Variants in CELF4 observed in about 807,000 individuals in gnomAD.
CELF4 encodes CUG-BP- and ETR-3-like factor 4.
CELF4 carries 18 observed loss-of-function variants against 59.9 expected under a neutral mutation model. The ratio of observed to expected loss-of-function variants is 0.30; its 90% CI spans 0.21 to 0.45. The LOEUF (loss-of-function observed/expected upper bound fraction) is 0.45. Among genes scored for constraint, CELF4 ranks in the 20% least tolerant of loss-of-function variants. The probability of loss-of-function intolerance (pLI) is 1.00; values close to 1 mark genes in which losing one functional copy is unlikely to be tolerated. For missense variants in CELF4, 456 were observed against 689.0 expected (o/e 0.66, Z 3.79); for synonymous variants, 261 against 267.1 (o/e 0.98, Z 0.22).
intron 1 of CELF4, among the ~76,000 whole-genome samples, chr18:37,502,416 A>G (rs1707132509): frequency 6.6e-6 from 1 of 152,036 alleles, no homozygotes; most frequent in African/African-American, 2.4e-5. Context: ...AGTGGGAGGG[A>G]GAAAGGAGAG....
intron 1 of CELF4, among the ~76,000 whole-genome samples, chr18:37,506,309 T>C (rs958697911): frequency 9.9e-4 from 151 of 152,070 alleles, no homozygotes; most frequent in Non-Finnish European, 3.5e-4. Flanking sequence ...ATAGGCTTGT[T>C]TGGGGAAAAC....
At chr18:37,259,060 AG>A in intron 11 of CELF4, 120 bp downstream of exon 11, 1 of 1,497,892 alleles carries the variant, frequency 6.7e-7, no homozygotes, top group Non-Finnish European at 9.1e-7. Flanking sequence ...GGACACCGGT[AG>A]GTTGGTGCGA....
intron 1 of CELF4, among the ~76,000 whole-genome samples, chr18:37,555,155 G>A (rs1476712978): frequency 6.6e-6 from 1 of 152,206 alleles, no homozygotes; most frequent in East Asian, 1.9e-4. Context: ...TGTGGCTTCA[G>A]GCTCATGCCA....
At chr18:37,531,342 A>G (rs1225405360) in intron 1 of CELF4, among the ~76,000 whole-genome samples, 1 of 152,050 alleles carries the variant, frequency 6.6e-6, no homozygotes, top group African/African-American at 2.4e-5. Context: ...AGTTTAGCTG[A>G]GCTTGCCGCC....
intron 10 of CELF4, among the ~76,000 whole-genome samples, chr18:37,262,672 G>C (rs1298599255): frequency 6.6e-6 from 1 of 152,166 alleles, no homozygotes; most frequent in African/African-American, 2.4e-5. Flanking sequence ...GCACCAGTGG[G>C]AGAAAAGATA....
At chr18:37,344,782 T>A (rs1238603522) in intron 2 of CELF4, among the ~76,000 whole-genome samples, 1 of 152,228 alleles carries the variant, frequency 6.6e-6, no homozygotes, top group Admixed American at 6.5e-5. Flanking sequence ...CATTCCTGTT[T>A]GACAGATGAC....
In CELF4 at chr18:37,548,015, A is replaced by G. The variant is rs548899500; in HGVS notation, c.286+17341T>C. On this transcript the variant is annotated intron_variant, in intron 1 of 12. Transcript: ENST00000420428. ...TATATGAGTATCTATATGAATGCCT[A>G]TTTCTGAGTGTGTTCCTATGGGTGT... Among the ~76,000 whole-genome samples the G allele has an allele frequency of 2.6e-5, 4 of 151,730 alleles. No individual in the cohort carries two copies. The East Asian group carries it at 5.8e-4, about 22-fold the overall frequency.
intron 2 of CELF4, among the ~76,000 whole-genome samples, chr18:37,328,316 G>A (rs1603494878): frequency 6.6e-6 from 1 of 152,204 alleles, no homozygotes; most frequent in African/African-American, 2.4e-5. Flanking sequence ...CTGGAAGGTG[G>A]GGACTGATGC....
chr18:37,434,561 G>A (rs1312397065), intron 2 of CELF4, among the ~76,000 whole-genome samples: 1 of 152,206 alleles, frequency 6.6e-6, no homozygotes, highest in Non-Finnish European at 1.5e-5. Context: ...CACCAGCGAA[G>A]AGCAGCGAGG....
chr18:37,322,250 C>G (rs2097149258), intron 2 of CELF4, among the ~76,000 whole-genome samples: 1 of 152,204 alleles, frequency 6.6e-6, no homozygotes, highest in South Asian at 2.1e-4. Context: ...ACCCTTGGCT[C>G]AGCCCTGGTT....
chr18:37,497,066 TGAGAG>T (rs1389893829), intron 1 of CELF4, among the ~76,000 whole-genome samples: 2 of 151,652 alleles, frequency 1.3e-5, no homozygotes, highest in Non-Finnish European at 2.9e-5. Flanking sequence ...CCAAGGTGGG[TGAGAG>T]GAGTTGGTAA....
At chr18:37,537,170 G>A (rs1428481461) in intron 1 of CELF4, among the ~76,000 whole-genome samples, 1 of 152,174 alleles carries the variant, frequency 6.6e-6, no homozygotes, top group Non-Finnish European at 1.5e-5. Flanking sequence ...TTTCTGCTGT[G>A]CACTCAGTTA....
intron 2 of CELF4, among the ~76,000 whole-genome samples, chr18:37,359,661 G>A (rs539495037): frequency 2.2e-4 from 34 of 152,246 alleles, no homozygotes; most frequent in African/African-American, 7.5e-4. Flanking sequence ...CCATTCTCCT[G>A]TCTCAGCCTC....
At chr18:37,425,653 G>T (rs1012682031) in intron 2 of CELF4, among the ~76,000 whole-genome samples, 2 of 152,388 alleles carry the variant, frequency 1.3e-5, no homozygotes, top group South Asian at 2.1e-4. Context: ...CAGGGAGAAA[G>T]CTCATAGAGA....
At chr18:37,268,774 T>C (rs1197500309) in intron 8 of CELF4, among the ~76,000 whole-genome samples, 1 of 152,240 alleles carries the variant, frequency 6.6e-6, no homozygotes. Context: ...ACCTCATTAG[T>C]AACTGCCAAA....
chr18:37,505,960 G>C (rs950243801), intron 1 of CELF4, among the ~76,000 whole-genome samples: 1 of 138,052 alleles, frequency 7.2e-6, no homozygotes, highest in African/African-American at 2.7e-5. Context: ...GGGACAGGAG[G>C]GTGGTGGCCT....
At chr18:37,496,506 GAACAACAACAC>G (rs2099925364) in intron 1 of CELF4, among the ~76,000 whole-genome samples, 1 of 152,096 alleles carries the variant, frequency 6.6e-6, no homozygotes, top group Admixed American at 6.6e-5. Context: ...TTCACTTAAA[GAACAACAACAC>G]AACAACAACA....
intron 2 of CELF4, among the ~76,000 whole-genome samples, chr18:37,460,902 T>C (rs1022284235): frequency 5.9e-5 from 9 of 152,044 alleles, no homozygotes; most frequent in Non-Finnish European, 1.3e-4. Flanking sequence ...AGGTTTGCTA[T>C]GGGAAAGGAA....
intron 2 of CELF4, among the ~76,000 whole-genome samples, chr18:37,340,496 G>T (rs2097964752): frequency 6.6e-6 from 1 of 152,204 alleles, no homozygotes; most frequent in Non-Finnish European, 1.5e-5. Context: ...GCTTCAGTGG[G>T]GACATGGTCT....
Sources: gnomAD v4.1 joint callset for allele counts (sites outside exome capture counted in the v4.1 genomes callset) on GRCh38, gnomAD v4.1.1 for gene constraint, MANE v1.5 for transcripts, NCBI Gene and HGNC (gene_info 2026-07-23, HGNC 2026-07-21) for gene names.